The following CRTC1 variants were observed in gnomAD, a reference collection of about 807,000 sequenced individuals.
CRTC1 encodes CREB regulated transcription coactivator 1.
In CRTC1, 18 loss-of-function variants were observed where a neutral mutation model predicts 66.1. The observed-to-expected ratio is 0.27, with a 90% CI of 0.19 to 0.40. CRTC1 has a LOEUF of 0.40. Among genes scored for constraint, CRTC1 ranks in the 10% least tolerant of loss-of-function variants. The pLI is 1.00. For missense variants in CRTC1, 669 were observed against 887.9 expected (o/e 0.75, Z 3.13); for synonymous variants, 416 against 398.8 (o/e 1.04, Z -0.51).
At chr19:18,708,951 C>T (rs1308585258) in intron 1 of CRTC1, among the ~76,000 whole-genome samples, 4 of 152,220 alleles carry the variant, frequency 2.6e-5, no homozygotes, top group Admixed American at 1.3e-4. Context: ...CCCTGCTGTC[C>T]TGTCCTCCGT....
At chr19:18,727,975 C>T (rs1357564527) in intron 1 of CRTC1, among the ~76,000 whole-genome samples, 1 of 152,210 alleles carries the variant, frequency 6.6e-6, no homozygotes, top group Non-Finnish European at 1.5e-5. Flanking sequence ...ATCCACCCAC[C>T]TCAGCCTCCC....
intron 1 of CRTC1, among the ~76,000 whole-genome samples, chr19:18,691,046 A>AAT (rs774624120): frequency 1.3e-4 from 17 of 135,948 alleles, no homozygotes; most frequent in African/African-American, 2.0e-4. Context: ...AAAAAAAAAA[A>AAT]GAAGAGTGGG....
At position 18,735,053 on chromosome 19, in the gene CRTC1, C is replaced by T. The variant is rs143597158; in HGVS notation, c.127-7857C>T. ...CCACAACACGCACAGGTGATGGCGA[C>T]GGGCTTCTGAGCAAAATGCGTGAGA... On this transcript the variant is annotated intron_variant, in intron 1 of 13. Coordinates refer to ENST00000321949, the MANE Select transcript of CRTC1 (RefSeq NM_015321.3). Among the ~76,000 whole-genome samples, 804 of 152,358 alleles carry T rather than the reference C, an allele frequency of 5.3e-3. 6 individuals are homozygous for T. The highest frequency in any genetic ancestry group is 0.016 in the African/African-American group (672 of 41,592).
At chr19:18,751,955 A>G (rs1340076344) in intron 5 of CRTC1, among the ~76,000 whole-genome samples, 1 of 151,914 alleles carries the variant, frequency 6.6e-6, no homozygotes, top group Non-Finnish European at 1.5e-5. Flanking sequence ...CTTGAGATCA[A>G]GAGTTTGAGA....
intron 1 of CRTC1, among the ~76,000 whole-genome samples, chr19:18,690,011 G>A (rs1024997523): frequency 6.6e-6 from 1 of 151,280 alleles, no homozygotes; most frequent in Admixed American, 6.6e-5. Flanking sequence ...GAGCAAGGGG[G>A]TGACAGAGCG....
rs534727770 is a variant in CRTC1, at chr19:18,768,383, C to T, written c.1012-102C>T. The T allele has an allele frequency of 8.6e-4, 800 of 935,158 alleles. 5 individuals carry two copies. The African/African-American group carries it at 0.012, about 14-fold the overall frequency. 57.9% of individuals were successfully genotyped at this position (935,158 alleles called of 1,614,324 possible). ...CCAGGGGCTGCCTGTGATCACAGGG[C>T]CCTTCCACCTCGCCTGCTGAGCATG... On this transcript the variant is annotated intron_variant, in intron 9 of 13. Transcript: ENST00000321949. This position sits in a 1 kb window ranked among gnomAD's most constrained non-coding sequence, Gnocchi z 5.6.
intron 1 of CRTC1, among the ~76,000 whole-genome samples, chr19:18,696,740 C>A (rs1416646309): frequency 6.6e-6 from 1 of 152,070 alleles, no homozygotes; most frequent in Non-Finnish European, 1.5e-5. Context: ...CTCCAAGGTG[C>A]CTGCCTGGGA....
chr19:18,727,983 C>T (rs2053799317), intron 1 of CRTC1, among the ~76,000 whole-genome samples: 1 of 152,208 alleles, frequency 6.6e-6, no homozygotes, highest in Non-Finnish European at 1.5e-5. Flanking sequence ...ACCTCAGCCT[C>T]CCAAAGCGCT....
chr19:18,775,862 G>A, intron 13 of CRTC1, 41 bp downstream of exon 13: 1 of 1,519,658 alleles, frequency 6.6e-7, no homozygotes, highest in Non-Finnish European at 8.8e-7. Context: ...GCCCCAAGGG[G>A]CCTCAGCCCG....
At chr19:18,721,195 G>GTTTTTT (rs35208922) in intron 1 of CRTC1, among the ~76,000 whole-genome samples, 1 of 136,958 alleles carries the variant, frequency 7.3e-6, no homozygotes. Context: ...TTCAACCTCT[G>GTTTTTT]TTTTTTTTTT....
Position 18,768,666 on chromosome 19 carries a change from T to C in CRTC1, c.1193T>C (p.Leu398Pro), listed in dbSNP as rs773110276. The change falls in exon 10 of 14, where the codon CTG becomes CCG. Residue 398 changes from leucine (L) to proline (P), a missense_variant. Leu to Pro is a moderately conservative substitution (Grantham distance 98). Around this residue, in one of 8 missense-constraint regions of CRTC1, gnomAD observed 241 missense variants for 242.2 expected, o/e 0.99. Transcript: ENST00000321949. The surrounding 1 kb of genome is among the most constrained non-coding windows in gnomAD (Gnocchi z 5.6). ...APVRLPPGGP[L>P]LPSASLTRGP... ...GTCCGCCTGCCCCCTGGTGGCCCCCTGTTGCCCAGCGCCAGCCTGACTCGT... is the reference window on the plus strand; with the variant it reads ...GTCCGCCTGCCCCCTGGTGGCCCCCCGTTGCCCAGCGCCAGCCTGACTCGT... The C allele has an allele frequency of 1.6e-6, 2 of 1,231,202 alleles. No individual in the cohort carries two copies. The highest frequency in any genetic ancestry group is 5.6e-5 in the East Asian group (1 of 17,700). 76.3% of individuals were successfully genotyped at this position (1,231,202 alleles called of 1,614,324 possible). A position where few individuals can be genotyped will look rare whatever the true frequency, so the allele number is the denominator to read the frequency against.
intron 2 of CRTC1, among the ~76,000 whole-genome samples, chr19:18,743,839 G>T (rs529551693): frequency 1.4e-4 from 22 of 152,350 alleles, no homozygotes; most frequent in Middle Eastern, 3.4e-3. Flanking sequence ...ACTGATGCTG[G>T]GCGTGTTCTT....
At chr19:18,727,588 A>AG (rs1461845115) in intron 1 of CRTC1, among the ~76,000 whole-genome samples, 1,798 of 149,520 alleles carry the variant, frequency 0.012, 95 homozygotes, top group African/African-American at 0.043. Context: ...CTCAAAAAAA[A>AG]AAAAAAAAAG....
Position 18,768,435 on chromosome 19 carries a change from A to G in CRTC1, c.1012-50A>G. The G allele has an allele frequency of 6.5e-7, 1 of 1,527,434 alleles. No individual in the cohort carries two copies. The highest frequency in any genetic ancestry group is 8.9e-7 in the Non-Finnish European group (1 of 1,118,036). 94.6% of individuals were successfully genotyped at this position (1,527,434 alleles called of 1,614,324 possible). A position where few individuals can be genotyped will look rare whatever the true frequency, so the allele number is the denominator to read the frequency against. ...CAGGCTATGGGGGCCCGAGGGGGCC[A>G]GGCGCTGACAACCAGGGCCCGCCCT... is the stretch of plus-strand genomic sequence containing the variant. On this transcript the variant is annotated intron_variant, in intron 9 of 13. Transcript: ENST00000321949. This position sits in a 1 kb window ranked among gnomAD's most constrained non-coding sequence, Gnocchi z 5.6.
intron 1 of CRTC1, among the ~76,000 whole-genome samples, chr19:18,705,966 TC>T (rs1411781558): frequency 3.0e-5 from 4 of 131,340 alleles, no homozygotes; most frequent in African/African-American, 1.2e-4. Context: ...TCTCTCTCTC[TC>T]TTTTTTTTTT....
chr19:18,764,377 G>T (rs892745716), intron 8 of CRTC1, among the ~76,000 whole-genome samples: 4 of 152,222 alleles, frequency 2.6e-5, no homozygotes, highest in Admixed American at 1.3e-4. Flanking sequence ...ACCAACCAGG[G>T]AACCAAGTCT....
intron 1 of CRTC1, among the ~76,000 whole-genome samples, chr19:18,712,510 G>A (rs923779320): frequency 1.3e-5 from 2 of 150,850 alleles, no homozygotes; most frequent in African/African-American, 2.4e-5. Context: ...TCCGCCTGCC[G>A]TGGCCTCCCA....
chr19:18,777,449 G>C lies in CRTC1; in HGVS notation c.*67G>C. On this transcript the variant is annotated 3_prime_UTR_variant, in exon 14 of 14. Transcript: ENST00000321949. This position sits in a 1 kb window ranked among gnomAD's most constrained non-coding sequence, Gnocchi z 5.5. ...GCCTCCCCAGCCCGGGGACGGCCGTGCTCCGTCCCTCGCCAACGGCCGAGC... is the reference window on the plus strand; with the variant it reads ...GCCTCCCCAGCCCGGGGACGGCCGTCCTCCGTCCCTCGCCAACGGCCGAGC... 1 of 1,413,508 alleles carries C rather than the reference G, an allele frequency of 7.1e-7. No homozygotes were observed. Among genetic ancestry groups the C allele is most frequent in the Non-Finnish European group, 9.9e-7 (1 of 1,012,586 alleles). The allele number at this position is 1,413,508 out of a possible 1,614,324, so 87.6% of individuals were successfully genotyped here.
chr19:18,771,326 G>A lies in CRTC1; in HGVS notation c.1321-116G>A. On this transcript the variant is annotated intron_variant, in intron 10 of 13. Transcript: ENST00000321949. The surrounding 1 kb of genome is among the most constrained non-coding windows in gnomAD (Gnocchi z 4.6). ...CAGTGGGGTGGCGACCATCACCAAG[G>A]TGTGAGGGGCGGGGGGACCTGCCTG... 1 of 797,990 alleles carries A rather than the reference G, an allele frequency of 1.3e-6. No homozygotes were observed. The highest frequency in any genetic ancestry group is 1.9e-5 in the South Asian group (1 of 53,804). 49.4% of individuals were successfully genotyped at this position (797,990 alleles called of 1,614,324 possible).
Sources: allele counts gnomAD v4.1 joint callset (sites outside exome capture counted in the v4.1 genomes callset), GRCh38; gene constraint gnomAD v4.1.1; regional missense constraint gnomAD v4.1.1; non-coding constraint Gnocchi (gnomAD v3.1); transcripts MANE v1.5; gene names NCBI Gene and HGNC (gene_info 2026-07-23, HGNC 2026-07-21).